The following SETBP1 variants were observed in gnomAD, a reference collection of about 807,000 sequenced individuals.
The protein encoded by SETBP1 is SET binding protein 1.
Under a neutral mutation model 101.0 loss-of-function variants are expected in SETBP1, and 9 were observed. The observed-to-expected ratio is 0.09, with a 90% CI of 0.05 to 0.16. The LOEUF is 0.16. Ranked by LOEUF, SETBP1 falls within the 10% of genes least tolerant of loss-of-function variation. SETBP1 has a pLI of 1.00. For synonymous variants in SETBP1, 818 were observed against 788.5 expected (o/e 1.04, Z -0.63); for missense variants, 1,858 against 2,033.8 (o/e 0.91, Z 1.66).
intron 2 of SETBP1, among the ~76,000 whole-genome samples, chr18:44,811,824 G>A (rs1480446832): frequency 2.0e-5 from 3 of 152,166 alleles, no homozygotes; most frequent in African/African-American, 7.2e-5. Flanking sequence ...TGTTTCTGGG[G>A]ATCCCCCATA....
chr18:44,733,172 T>A lies in SETBP1; in HGVS notation c.486+31340T>A, dbSNP rs190658858. The stretch of plus-strand genomic sequence containing the variant: ...AGAGAGGGGCATGTGGTCTGAGTGA[T>A]GTCCTCTTTTACTGTTTGAATGCCA... On this transcript the variant is annotated intron_variant, in intron 2 of 5. Transcript: ENST00000649279. 2.0e-4 allele frequency: 30 copies of A among 152,350 alleles called. No homozygotes were observed. The East Asian group carries it at 5.2e-3, about 26-fold the overall frequency. 9.4% of individuals were successfully genotyped at this position (152,350 alleles called of 1,614,324 possible). A position where few individuals can be genotyped will look rare whatever the true frequency, so the allele number is the denominator to read the frequency against.
chr18:44,802,562 C>T (rs1169888161), intron 2 of SETBP1, among the ~76,000 whole-genome samples: 1 of 152,092 alleles, frequency 6.6e-6, no homozygotes, highest in African/African-American at 2.4e-5. Flanking sequence ...TCTTAGATTC[C>T]AGGTGTATCT....
chr18:44,735,017 G>A (rs1215968263), intron 2 of SETBP1, among the ~76,000 whole-genome samples: 1 of 152,186 alleles, frequency 6.6e-6, no homozygotes, highest in African/African-American at 2.4e-5. Context: ...TAAGAAGAGA[G>A]TTATTTATAA....
chr18:45,043,944 C>T (rs763089035), intron 5 of SETBP1, among the ~76,000 whole-genome samples: 1 of 152,148 alleles, frequency 6.6e-6, no homozygotes, highest in African/African-American at 2.4e-5. Flanking sequence ...TAGCCAGCTG[C>T]CATCTGTGGG....
chr18:44,796,822 C>A (rs374275912), intron 2 of SETBP1, among the ~76,000 whole-genome samples: 1 of 152,172 alleles, frequency 6.6e-6, no homozygotes, highest in Non-Finnish European at 1.5e-5. Flanking sequence ...CACACACACG[C>A]GCACACACAT....
intron 2 of SETBP1, among the ~76,000 whole-genome samples, chr18:44,787,570 G>A (rs565934438): frequency 2.6e-5 from 4 of 152,100 alleles, no homozygotes; most frequent in African/African-American, 9.6e-5. Context: ...AAAGAAAATT[G>A]TTGGCCGGGC....
intron 3 of SETBP1, among the ~76,000 whole-genome samples, chr18:44,884,808 A>G (rs1378865997): frequency 6.6e-6 from 1 of 152,192 alleles, no homozygotes; most frequent in Non-Finnish European, 1.5e-5. Context: ...CTCCAAAAAT[A>G]AATGGCATGG....
chr18:44,864,987 G>A (rs911479086), intron 2 of SETBP1, among the ~76,000 whole-genome samples: 54 of 152,132 alleles, frequency 3.5e-4, no homozygotes, highest in African/African-American at 1.2e-3. Context: ...GCTTTGAGGA[G>A]GGACATGTGT....
chr18:44,746,008 G>A (rs2070236154), intron 2 of SETBP1, among the ~76,000 whole-genome samples: 1 of 152,168 alleles, frequency 6.6e-6, no homozygotes. Flanking sequence ...TTGAATTGGG[G>A]CAGGGAGATG....
At chr18:45,005,628 A>G (rs1343205158) in intron 4 of SETBP1, among the ~76,000 whole-genome samples, 1 of 150,524 alleles carries the variant, frequency 6.6e-6, no homozygotes, top group Non-Finnish European at 1.5e-5. Flanking sequence ...GCCTCCGTGA[A>G]GTCTTAAAAT....
At chr18:45,055,271 A>G (rs1484213815) in intron 5 of SETBP1, among the ~76,000 whole-genome samples, 1 of 152,190 alleles carries the variant, frequency 6.6e-6, no homozygotes, top group Non-Finnish European at 1.5e-5. Flanking sequence ...TGGGCTCCAG[A>G]TTTTTGATCA....
intron 3 of SETBP1, among the ~76,000 whole-genome samples, chr18:44,917,235 G>C (rs1400463303): frequency 6.6e-6 from 1 of 152,174 alleles, no homozygotes; most frequent in African/African-American, 2.4e-5. Flanking sequence ...CTTACTTGCT[G>C]CATGTCAGTT....
At chr18:44,910,584 C>T (rs1027119359) in intron 3 of SETBP1, among the ~76,000 whole-genome samples, 1 of 152,184 alleles carries the variant, frequency 6.6e-6, no homozygotes, top group Non-Finnish European at 1.5e-5. Context: ...GTGTCCTGCC[C>T]ATGGTCAGCA....
At chr18:44,886,611 T>C (rs912948836) in intron 3 of SETBP1, among the ~76,000 whole-genome samples, 1 of 152,156 alleles carries the variant, frequency 6.6e-6, no homozygotes, top group South Asian at 2.1e-4. Context: ...GTGATTTCTG[T>C]AGGAAGGGCC....
intron 3 of SETBP1, among the ~76,000 whole-genome samples, chr18:44,912,410 C>T (rs887918917): frequency 5.3e-5 from 8 of 152,164 alleles, no homozygotes; most frequent in African/African-American, 1.2e-4. Flanking sequence ...TGATTGCCTT[C>T]CTTCTCAAAG....
At chr18:45,033,569 A>G (rs2073340040) in intron 4 of SETBP1, among the ~76,000 whole-genome samples, 1 of 152,230 alleles carries the variant, frequency 6.6e-6, no homozygotes, top group African/African-American at 2.4e-5. Flanking sequence ...GGGACCAACC[A>G]TCCCAGTGGT....
Position 44,715,322 on chromosome 18 carries a change from G to A in SETBP1, c.486+13490G>A, listed in dbSNP as rs187572799. 7.4e-3 allele frequency among the ~76,000 whole-genome samples: 1,129 copies of A among 152,126 alleles called. 7 individuals are homozygous for A. Among genetic ancestry groups the A allele is most frequent in the Non-Finnish European group, 0.013 (853 of 68,022 alleles). ...GGGCAGGTCACAGCGGCAGTGAGGC[G>A]TGGTACGAAGTGATGGGCTGGCAGC... On this transcript the variant is annotated intron_variant, in intron 2 of 5. Coordinates refer to ENST00000649279, the MANE Select transcript of SETBP1 (RefSeq NM_015559.3).
At chr18:45,036,759 G>T (rs2073406221) in intron 4 of SETBP1, among the ~76,000 whole-genome samples, 1 of 152,206 alleles carries the variant, frequency 6.6e-6, no homozygotes, top group Non-Finnish European at 1.5e-5. Context: ...TCCTTAGGTA[G>T]TTACAGATGC....
At chr18:44,706,816 G>T (rs1046752418) in intron 2 of SETBP1, among the ~76,000 whole-genome samples, 2 of 152,052 alleles carry the variant, frequency 1.3e-5, no homozygotes, top group Non-Finnish European at 2.9e-5. Context: ...CTGACACCAA[G>T]CAGCTTTGTG....
Sources: gnomAD v4.1 joint callset for allele counts (sites outside exome capture counted in the v4.1 genomes callset) on GRCh38, gnomAD v4.1.1 for gene constraint, MANE v1.5 for transcripts, NCBI Gene and HGNC (gene_info 2026-07-23, HGNC 2026-07-21) for gene names.